Variants in CAMK2G observed in about 807,000 individuals in gnomAD.
CAMK2G encodes the protein calcium/calmodulin-dependent protein kinase type II subunit gamma.
CAMK2G carries 23 observed loss-of-function variants against 88.7 expected under a neutral mutation model. The observed-to-expected ratio is 0.26, with a 90% CI of 0.19 to 0.37. The LOEUF (loss-of-function observed/expected upper bound fraction) is 0.37. CAMK2G is among the 10% of genes least tolerant of loss of function. The pLI, the probability that CAMK2G is intolerant of heterozygous loss-of-function variation, is 1.00. For missense variants in CAMK2G, 476 were observed against 780.8 expected (o/e 0.61, Z 4.65); for synonymous variants, 263 against 294.8 (o/e 0.89, Z 1.11).
At chr10:73,838,509 C>T (rs927697373) in intron 13 of CAMK2G, among the ~76,000 whole-genome samples, 1 of 152,188 alleles carries the variant, frequency 6.6e-6, no homozygotes, top group Admixed American at 6.5e-5. Flanking sequence ...GAGTGCCTGG[C>T]ATATAGCAAG....
At chr10:73,855,702 GAAGA>G (rs1004987962) in intron 3 of CAMK2G, among the ~76,000 whole-genome samples, 5 of 152,262 alleles carry the variant, frequency 3.3e-5, no homozygotes, top group Non-Finnish European at 5.9e-5. Context: ...AAGGGAATTA[GAAGA>G]AAGGAGCAGC....
intron 1 of CAMK2G, chr10:73,873,596 T>G: frequency 1.1e-6 from 1 of 910,840 alleles, no homozygotes; most frequent in Non-Finnish European, 1.3e-6. Context: ...TTCATCTCAC[T>G]GCATCCCGGC....
chr10:73,871,284 C>T (rs542487585), intron 2 of CAMK2G, among the ~76,000 whole-genome samples: 5 of 152,208 alleles, frequency 3.3e-5, no homozygotes, highest in Middle Eastern at 3.4e-3. Context: ...GAGGCTATCA[C>T]ACAGGTCATG....
chr10:73,833,017 C>T (rs1316501757), intron 14 of CAMK2G, among the ~76,000 whole-genome samples: 1 of 149,234 alleles, frequency 6.7e-6, no homozygotes, highest in Non-Finnish European at 1.5e-5. Flanking sequence ...CAGGCTGGAG[C>T]GCAGTGGTGT....
At chr10:73,840,434 T>C (rs2093684187) in intron 12 of CAMK2G, among the ~76,000 whole-genome samples, 1 of 152,120 alleles carries the variant, frequency 6.6e-6, no homozygotes, top group Non-Finnish European at 1.5e-5. Flanking sequence ...CATAGACACC[T>C]CTTTCTGCAG....
intron 21 of CAMK2G, chr10:73,816,562 A>G (rs1239798616): frequency 1.5e-6 from 1 of 656,638 alleles, no homozygotes; most frequent in Non-Finnish European, 2.2e-6. Context: ...CCAGGTTCAC[A>G]TCATTCTCCT....
intron 21 of CAMK2G, chr10:73,816,068 A>G (rs2085367154): frequency 1.4e-5 from 14 of 985,404 alleles, no homozygotes; most frequent in Non-Finnish European, 1.7e-5. Flanking sequence ...GTTAGTGACT[A>G]ACTATAACTC....
At chr10:73,867,006 C>A (rs1325145289) in intron 2 of CAMK2G, among the ~76,000 whole-genome samples, 1 of 152,198 alleles carries the variant, frequency 6.6e-6, no homozygotes, top group Non-Finnish European at 1.5e-5. Context: ...CCATCCGACA[C>A]ACAAGAGCAG....
At chr10:73,832,903 C>T (rs1299769589) in intron 14 of CAMK2G, among the ~76,000 whole-genome samples, 2 of 151,822 alleles carry the variant, frequency 1.3e-5, no homozygotes, top group Admixed American at 6.6e-5. Context: ...TATAGGTACG[C>T]ACCACTGTGT....
intron 15 of CAMK2G, among the ~76,000 whole-genome samples, chr10:73,825,902 C>T (rs1305078563): frequency 6.6e-6 from 1 of 152,196 alleles, no homozygotes; most frequent in South Asian, 2.1e-4. Flanking sequence ...CTTTCAGACA[C>T]AAAATGCATT....
chr10:73,830,953 A>C (rs1190423114), intron 14 of CAMK2G, among the ~76,000 whole-genome samples: 1 of 152,194 alleles, frequency 6.6e-6, no homozygotes, highest in East Asian at 1.9e-4. Context: ...ATGGGATCTA[A>C]AAGAAGAATC....
In CAMK2G at chr10:73,828,237, G is replaced by A. The variant is rs144679543; in HGVS notation, c.1054-116C>T. 6,223 of 837,926 alleles carry A rather than the reference G, an allele frequency of 7.4e-3. 48 individuals are homozygous for A. The highest frequency in any genetic ancestry group is 0.01 in the Middle Eastern group (42 of 4,034). 51.9% of individuals were successfully genotyped at this position (837,926 alleles called of 1,614,324 possible). A position where few individuals can be genotyped will look rare whatever the true frequency, so the allele number is the denominator to read the frequency against. On this transcript the variant is annotated intron_variant, in intron 14 of 22. Transcript: ENST00000423381. ...GGCTCTGCATCAGGGAGAAAAGAGC[G>A]GAGGGAGACCCGGAGTCCAGCACCA...
chr10:73,823,950 C>G, intron 17 of CAMK2G, 90 bp downstream of exon 17: 1 of 981,614 alleles, frequency 1.0e-6, no homozygotes, highest in East Asian at 2.4e-5. Context: ...AACACCTTGG[C>G]CTCAGGGTGC....
rs2094420988 is a variant in CAMK2G at position 73,848,703 on chromosome 10, G to C, written c.518-94C>G. 8.2e-6 allele frequency: 6 copies of C among 727,390 alleles called. No individual in the cohort carries two copies. Among genetic ancestry groups the C allele is most frequent in the Non-Finnish European group, 1.4e-5 (6 of 424,074 alleles). 45.1% of individuals were successfully genotyped at this position (727,390 alleles called of 1,614,324 possible). A position where few individuals can be genotyped will look rare whatever the true frequency, so the allele number is the denominator to read the frequency against. ...TTCCCCCAAGTCCCATCTTATTCCT[G>C]CTGCTTTTGCTACATAAACTCTCAG... is the stretch of plus-strand genomic sequence containing the variant. On this transcript the variant is annotated intron_variant, in intron 7 of 22. Coordinates refer to ENST00000423381, the MANE Select transcript of CAMK2G (RefSeq NM_001367534.1). This position sits in a 1 kb window ranked among gnomAD's most constrained non-coding sequence, Gnocchi z 4.5.
chr10:73,817,600 C>G, intron 19 of CAMK2G, 46 bp from the exon 20 acceptor site: 1 of 1,334,178 alleles, frequency 7.5e-7, no homozygotes, highest in South Asian at 1.2e-5. Context: ...GGGAACCTCC[C>G]AAGTTACAGA....
chr10:73,866,020 C>A (rs764604379), intron 2 of CAMK2G, among the ~76,000 whole-genome samples: 7 of 152,160 alleles, frequency 4.6e-5, no homozygotes, highest in Non-Finnish European at 1.0e-4. Flanking sequence ...CAGGTTTTCC[C>A]CATCATTAGC....
chr10:73,873,175 C>T, intron 1 of CAMK2G, 92 bp from the exon 2 acceptor site: 1 of 1,020,312 alleles, frequency 9.8e-7, no homozygotes, highest in Non-Finnish European at 1.5e-6. Context: ...GCTCCCACCA[C>T]CAGACCTCTA....
chr10:73,817,202 G>C, intron 20 of CAMK2G, 85 bp from the exon 21 acceptor site: 2 of 1,524,706 alleles, frequency 1.3e-6, no homozygotes, highest in African/African-American at 2.8e-5. Context: ...CTATCCAGTA[G>C]CAGCAGGCTA....
rs1017609478 is a variant in CAMK2G, at chr10:73,821,126, A to AT, written c.1249+555dup. ...CACCTGGCCTATTTATTTGTTCCTA[A>AT]TTTTTTTTTTTTAATAGAGACAAGG... On this transcript the variant is annotated intron_variant, in intron 18 of 22. Transcript: ENST00000423381. Among the ~76,000 whole-genome samples, 564 of 145,444 alleles carry AT rather than the reference A, an allele frequency of 3.9e-3. 1 individual carries two copies. The highest frequency in any genetic ancestry group is 6.3e-3 in the African/African-American group (251 of 39,816).
Sources: gnomAD v4.1 joint callset for allele counts (sites outside exome capture counted in the v4.1 genomes callset) on GRCh38, gnomAD v4.1.1 for gene constraint, Gnocchi (gnomAD v3.1) non-coding constraint, MANE v1.5 for transcripts, NCBI Gene and HGNC (gene_info 2026-07-23, HGNC 2026-07-21) for gene names.